SERPINI1: variants seen among roughly 807,000 people sequenced by gnomAD.
The protein encoded by SERPINI1 is neuroserpin.
A neutral mutation model predicts 41.1 loss-of-function variants in SERPINI1; 19 were observed. That is an observed-to-expected ratio of 0.46 (90% CI 0.32 to 0.68). The LOEUF (loss-of-function observed/expected upper bound fraction) is 0.68. SERPINI1 is among the 30% of genes least tolerant of loss of function. The probability of loss-of-function intolerance (pLI) is 0.03; values close to 1 mark genes in which losing one functional copy is unlikely to be tolerated. For synonymous variants in SERPINI1, 138 were observed against 156.6 expected (o/e 0.88, Z 0.89); for missense variants, 460 against 479.2 (o/e 0.96, Z 0.37).
At chr3:167,779,726 G>A (rs531521225) in intron 1 of SERPINI1, among the ~76,000 whole-genome samples, 3 of 152,094 alleles carry the variant, frequency 2.0e-5, no homozygotes, top group African/African-American at 7.2e-5. Flanking sequence ...ATGCCCTTTT[G>A]ATGTACCTGG....
intron 6 of SERPINI1, among the ~76,000 whole-genome samples, chr3:167,808,144 A>ATAAATAAATAAATAAAT (rs1711723154): frequency 6.6e-6 from 1 of 151,498 alleles, no homozygotes; most frequent in African/African-American, 2.4e-5. Context: ...TAATAAATAA[A>ATAAATAAATAAATAAAT]TAAATAAATA....
At chr3:167,797,386 C>T (rs771726758) in intron 5 of SERPINI1, among the ~76,000 whole-genome samples, 2 of 151,996 alleles carry the variant, frequency 1.3e-5, no homozygotes, top group Admixed American at 6.6e-5. Flanking sequence ...TTGTTGCAAT[C>T]GCTTTTGATG....
At chr3:167,746,317 A>G (rs1473444444) in intron 1 of SERPINI1, among the ~76,000 whole-genome samples, 1 of 152,200 alleles carries the variant, frequency 6.6e-6, no homozygotes, top group African/African-American at 2.4e-5. Flanking sequence ...TAAGAGCTAT[A>G]ACTATAAAAC....
chr3:167,806,010 G>C (rs1711620809), intron 5 of SERPINI1, among the ~76,000 whole-genome samples: 1 of 152,026 alleles, frequency 6.6e-6, no homozygotes, highest in South Asian at 2.1e-4. Flanking sequence ...ATATTATAAA[G>C]ACACATTCAC....
At chr3:167,743,803 T>C (rs1725756293) in intron 1 of SERPINI1, among the ~76,000 whole-genome samples, 1 of 152,118 alleles carries the variant, frequency 6.6e-6, no homozygotes, top group East Asian at 1.9e-4. Flanking sequence ...GCAGTTACTA[T>C]TGTAGAAAGC....
In SERPINI1 at chr3:167,769,244, G is replaced by C. The variant is rs563286900; in HGVS notation, c.-18-19867G>C. On this transcript the variant is annotated intron_variant, in intron 1 of 8. Transcript: ENST00000446050. ...CTTGACCTTGTGATCCACCCGCCTTGGCCTCTCAAAGTGCTGGGATTACAG... is the reference window on the plus strand; with the variant it reads ...CTTGACCTTGTGATCCACCCGCCTTCGCCTCTCAAAGTGCTGGGATTACAG... Among the ~76,000 whole-genome samples, 323 of 152,140 alleles carry C rather than the reference G, an allele frequency of 2.1e-3. 1 individual carries two copies. Among genetic ancestry groups the C allele is most frequent in the African/African-American group, 7.2e-3 (300 of 41,498 alleles).
At chr3:167,766,914 G>T (rs955501791) in intron 1 of SERPINI1, among the ~76,000 whole-genome samples, 1 of 152,220 alleles carries the variant, frequency 6.6e-6, no homozygotes, top group Non-Finnish European at 1.5e-5. Context: ...ACATAAAAGC[G>T]TATGGAGAAG....
intron 1 of SERPINI1, among the ~76,000 whole-genome samples, chr3:167,766,597 C>T (rs1726577048): frequency 6.6e-6 from 1 of 152,116 alleles, no homozygotes; most frequent in South Asian, 2.1e-4. Flanking sequence ...GCCTCCTGTG[C>T]CAAGGAGCAA....
intron 6 of SERPINI1, among the ~76,000 whole-genome samples, chr3:167,820,583 C>T (rs910008054): frequency 6.6e-6 from 1 of 152,340 alleles, no homozygotes; most frequent in African/African-American, 2.4e-5. Context: ...ACATCAACCC[C>T]CTGCCGACTG....
intron 1 of SERPINI1, among the ~76,000 whole-genome samples, chr3:167,771,803 G>A (rs1726757635): frequency 6.6e-6 from 1 of 152,026 alleles, no homozygotes; most frequent in African/African-American, 2.4e-5. Flanking sequence ...TTTAAAACTA[G>A]ATGGACTGTG....
chr3:167,789,526 A>G, intron 2 of SERPINI1, 148 bp downstream of exon 2: 1 of 876,998 alleles, frequency 1.1e-6, no homozygotes. Context: ...TAGGAAACCC[A>G]AGAAATGTGT....
In SERPINI1 at chr3:167,825,378, C is replaced by T. The variant is rs1712485033; in HGVS notation, c.*55C>T. 1 of 1,060,428 alleles carries T rather than the reference C, an allele frequency of 9.4e-7. No homozygotes were observed. The highest frequency in any genetic ancestry group is 1.3e-5 in the South Asian group (1 of 79,946). The allele number at this position is 1,060,428 out of a possible 1,614,324, so 65.7% of individuals were successfully genotyped here. ...GTAACTAAGCACATTATGTTTGCAACTGGTATATATTTAGGATTTGTGTTT... is the reference window on the plus strand; with the variant it reads ...GTAACTAAGCACATTATGTTTGCAATTGGTATATATTTAGGATTTGTGTTT... On this transcript the variant is annotated 3_prime_UTR_variant, in exon 9 of 9. Coordinates refer to ENST00000446050, the MANE Select transcript of SERPINI1 (RefSeq NM_001122752.2).
Position 167,794,605 on chromosome 3 carries a change from T to C in SERPINI1, c.677-15T>C. 1 of 1,611,734 alleles carries C rather than the reference T, an allele frequency of 6.2e-7. No homozygotes were observed. Among genetic ancestry groups the C allele is most frequent in the Non-Finnish European group, 8.5e-7 (1 of 1,178,478 alleles). On this transcript the variant is annotated splice_polypyrimidine_tract_variant and intron_variant, in intron 4 of 8. Coordinates refer to ENST00000446050, the MANE Select transcript of SERPINI1 (RefSeq NM_001122752.2). ...CTTTGATAGGCATCTTTTATGGCCTTTATTTTCTTTTTAGGGGAATTTAGT... is the reference window on the plus strand; with the variant it reads ...CTTTGATAGGCATCTTTTATGGCCTCTATTTTCTTTTTAGGGGAATTTAGT...
chr3:167,776,354 C>A (rs11925719), intron 1 of SERPINI1, among the ~76,000 whole-genome samples: 34 of 152,124 alleles, frequency 2.2e-4, no homozygotes, highest in African/African-American at 7.0e-4. Context: ...TATGGAAAGC[C>A]CAAATCTTAT....
chr3:167,744,414 ACTC>A lies in SERPINI1; in HGVS notation c.-19+8595_-19+8597del, dbSNP rs201766917. ...ATAGGGATTTGAAGCTCTCATTTTAACTCCTCTTCAAACTGCTAAAATAATGTT... is the reference window on the plus strand; with the variant it reads ...ATAGGGATTTGAAGCTCTCATTTTAACTCTTCAAACTGCTAAAATAATGTT... On this transcript the variant is annotated intron_variant, in intron 1 of 8. Transcript: ENST00000446050. Among the ~76,000 whole-genome samples, 1,078 of 151,210 alleles carry A rather than the reference ACTC, an allele frequency of 7.1e-3. 11 individuals are homozygous for A. Among genetic ancestry groups the A allele is most frequent in the African/African-American group, 0.024 (1,010 of 41,260 alleles).
intron 1 of SERPINI1, among the ~76,000 whole-genome samples, chr3:167,782,674 G>A (rs1466425307): frequency 2.0e-5 from 3 of 152,186 alleles, no homozygotes; most frequent in Non-Finnish European, 4.4e-5. Context: ...GCAGTGATAT[G>A]TGCTATTGGA....
intron 4 of SERPINI1, among the ~76,000 whole-genome samples, chr3:167,794,260 CTAAAA>C (rs1560010491): frequency 1.3e-5 from 2 of 151,994 alleles, no homozygotes; most frequent in African/African-American, 4.8e-5. Flanking sequence ...TCTGTGGATT[CTAAAA>C]TAAAATAAAT....
chr3:167,792,789 G>T lies in SERPINI1; in HGVS notation c.676+5G>T. On this transcript the variant is annotated splice_donor_5th_base_variant and intron_variant, in intron 4 of 8. Coordinates refer to ENST00000446050, the MANE Select transcript of SERPINI1 (RefSeq NM_001122752.2). The stretch of plus-strand genomic sequence containing the variant: ...AGCAAGGAGAATTTTATTATGGTAA[G>T]ACATTTTTTGCTTTTATTTCTCTCT... The T allele has an allele frequency of 6.2e-7, 1 of 1,610,948 alleles. No individual in the cohort carries two copies. The highest frequency in any genetic ancestry group is 1.1e-5 in the South Asian group (1 of 90,984).
At chr3:167,799,428 T>C (rs1007171316) in intron 5 of SERPINI1, among the ~76,000 whole-genome samples, 1 of 152,212 alleles carries the variant, frequency 6.6e-6, no homozygotes, top group South Asian at 2.1e-4. Context: ...ACATTTTCTT[T>C]ATCCAGTCTA....
Sources: gnomAD v4.1 joint callset for allele counts (sites outside exome capture counted in the v4.1 genomes callset) on GRCh38, gnomAD v4.1.1 for gene constraint, MANE v1.5 for transcripts, NCBI Gene and HGNC (gene_info 2026-07-23, HGNC 2026-07-21) for gene names.